Variants in DPP10 observed in about 807,000 individuals in gnomAD.
DPP10 encodes dipeptidyl peptidase like 10, also known as inactive dipeptidyl peptidase 10.
Under a neutral mutation model 120.9 loss-of-function variants are expected in DPP10, and 33 were observed. The ratio of observed to expected loss-of-function variants is 0.27; its 90% CI spans 0.21 to 0.37. The LOEUF (loss-of-function observed/expected upper bound fraction) is 0.37. Among genes scored for constraint, DPP10 ranks in the 10% least tolerant of loss-of-function variants. DPP10 has a pLI of 1.00. For missense variants in DPP10, 816 were observed against 942.8 expected (o/e 0.87, Z 1.76); for synonymous variants, 337 against 326.1 (o/e 1.03, Z -0.36).
At chr2:114,968,630 A>G (rs1205870187) in intron 1 of DPP10, among the ~76,000 whole-genome samples, 1 of 152,192 alleles carries the variant, frequency 6.6e-6, no homozygotes, top group Non-Finnish European at 1.5e-5. Flanking sequence ...AGAAATAATG[A>G]ACAATCTGTT....
At chr2:114,858,021 G>A (rs1032648033) in intron 1 of DPP10, among the ~76,000 whole-genome samples, 1 of 152,062 alleles carries the variant, frequency 6.6e-6, no homozygotes, top group Non-Finnish European at 1.5e-5. Context: ...ATGGAGTTTT[G>A]CTCTGTCGCC....
chr2:115,821,891 A>G (rs1337413693), intron 21 of DPP10, among the ~76,000 whole-genome samples: 1 of 151,998 alleles, frequency 6.6e-6, no homozygotes, highest in Admixed American at 6.6e-5. Context: ...AATACATAAG[A>G]GTAGAATTGT....
intron 19 of DPP10, among the ~76,000 whole-genome samples, chr2:115,804,291 T>C (rs1291983837): frequency 6.6e-6 from 1 of 152,194 alleles, no homozygotes; most frequent in African/African-American, 2.4e-5. Flanking sequence ...ACAGGTCCTT[T>C]AAGGACTTCT....
intron 5 of DPP10, among the ~76,000 whole-genome samples, chr2:115,671,386 A>G (rs1217902272): frequency 3.9e-5 from 6 of 151,950 alleles, no homozygotes; most frequent in Admixed American, 3.9e-4. Context: ...AATCATAAGT[A>G]AATGTTCTAA....
chr2:115,798,627 T>C (rs1385920136), intron 19 of DPP10, among the ~76,000 whole-genome samples: 1 of 152,128 alleles, frequency 6.6e-6, no homozygotes, highest in Non-Finnish European at 1.5e-5. Flanking sequence ...GAGCAACAAG[T>C]AATGTGCAAA....
At chr2:115,377,984 T>A (rs1022239440) in intron 3 of DPP10, among the ~76,000 whole-genome samples, 1 of 151,614 alleles carries the variant, frequency 6.6e-6, no homozygotes, top group East Asian at 1.9e-4. Context: ...AGTCAGGTAG[T>A]GTGATGCCTC....
rs534444455 is a variant in DPP10, at chr2:114,749,708, C to T, written c.60+306870C>T. ...CTCTTGCCTTGGTCTCACAACAAGC[C>T]GGGATTACAGGCATGAGCCACCACA... On this transcript the variant is annotated intron_variant, in intron 1 of 25. Coordinates refer to ENST00000410059, the MANE Select transcript of DPP10 (RefSeq NM_020868.6). Among the ~76,000 whole-genome samples, 594 of 151,820 alleles carry T rather than the reference C, an allele frequency of 3.9e-3. 4 individuals are homozygous for T. Among genetic ancestry groups the T allele is most frequent in the South Asian group, 9.3e-3 (45 of 4,816 alleles).
At chr2:115,145,349 T>C (rs1261578954) in intron 1 of DPP10, among the ~76,000 whole-genome samples, 1 of 152,174 alleles carries the variant, frequency 6.6e-6, no homozygotes, top group Non-Finnish European at 1.5e-5. Context: ...ATCCTTCTAC[T>C]GTCTCCATAG....
chr2:115,226,474 T>C (rs1416568395), intron 1 of DPP10, among the ~76,000 whole-genome samples: 1 of 152,176 alleles, frequency 6.6e-6, no homozygotes, highest in Non-Finnish European at 1.5e-5. Context: ...TGAAATTCAT[T>C]TGAGACATAG....
chr2:115,289,182 G>A (rs1205124999), intron 1 of DPP10, among the ~76,000 whole-genome samples: 2 of 151,866 alleles, frequency 1.3e-5, no homozygotes, highest in East Asian at 1.9e-4. Context: ...GAACTCAACC[G>A]CTTTTATAAT....
intron 1 of DPP10, among the ~76,000 whole-genome samples, chr2:114,856,130 A>G (rs1481931500): frequency 6.6e-6 from 1 of 152,234 alleles, no homozygotes; most frequent in African/African-American, 2.4e-5. Context: ...AAGTATTAAA[A>G]TTGGAAATAA....
intron 3 of DPP10, among the ~76,000 whole-genome samples, chr2:115,444,269 T>C (rs748459474): frequency 6.6e-6 from 1 of 152,228 alleles, no homozygotes; most frequent in Non-Finnish European, 1.5e-5. Context: ...TATATATTAA[T>C]CCTGTTTTAT....
At chr2:114,787,318 G>A (rs1169628724) in intron 1 of DPP10, among the ~76,000 whole-genome samples, 1 of 152,194 alleles carries the variant, frequency 6.6e-6, no homozygotes, top group Non-Finnish European at 1.5e-5. Flanking sequence ...GAGAAAGCCA[G>A]TGTGAACCTT....
intron 4 of DPP10, among the ~76,000 whole-genome samples, chr2:115,517,393 C>A (rs1017737963): frequency 6.6e-6 from 1 of 152,048 alleles, no homozygotes; most frequent in Non-Finnish European, 1.5e-5. Flanking sequence ...TGCTTTGATA[C>A]ATATATATAT....
intron 1 of DPP10, among the ~76,000 whole-genome samples, chr2:115,028,297 C>T (rs1409383990): frequency 6.6e-6 from 1 of 151,986 alleles, no homozygotes; most frequent in Admixed American, 6.6e-5. Context: ...ATCTCCATTT[C>T]CATGTGGTTC....
chr2:114,649,055 T>C (rs1438065380), intron 1 of DPP10, among the ~76,000 whole-genome samples: 1 of 152,244 alleles, frequency 6.6e-6, no homozygotes, highest in East Asian at 1.9e-4. Context: ...TAGAATGTGC[T>C]GGTAATTTAC....
chr2:115,095,370 C>A (rs993543337), intron 1 of DPP10, among the ~76,000 whole-genome samples: 22 of 152,196 alleles, frequency 1.4e-4, no homozygotes, highest in African/African-American at 5.1e-4. Context: ...AGGTCATATG[C>A]AGATGGGCTT....
At chr2:115,664,038 TTATC>T (rs1268654501) in intron 5 of DPP10, among the ~76,000 whole-genome samples, 1 of 151,508 alleles carries the variant, frequency 6.6e-6, no homozygotes, top group East Asian at 1.9e-4. Context: ...ATATATGTAT[TTATC>T]TACATTCACA....
chr2:114,875,956 A>G, intron 1 of DPP10, among the ~76,000 whole-genome samples: 1 of 152,138 alleles, frequency 6.6e-6, no homozygotes, highest in East Asian at 1.9e-4. Flanking sequence ...ACATTCCAAT[A>G]TATTTCTGTA....
Sources: gnomAD v4.1 joint callset for allele counts (sites outside exome capture counted in the v4.1 genomes callset) on GRCh38, gnomAD v4.1.1 for gene constraint, MANE v1.5 for transcripts, NCBI Gene and HGNC (gene_info 2026-07-23, HGNC 2026-07-21) for gene names.